TCF7: variants seen among roughly 807,000 people sequenced by gnomAD.
The protein encoded by TCF7 is T-cell-factor-7.
Under a neutral mutation model 46.8 loss-of-function variants are expected in TCF7, and 19 were observed. The ratio of observed to expected loss-of-function variants is 0.41; its 90% confidence interval spans 0.28 to 0.60. The LOEUF (loss-of-function observed/expected upper bound fraction) is 0.60. Among genes scored for constraint, TCF7 ranks in the 20% least tolerant of loss-of-function variants. The probability of loss-of-function intolerance (pLI) is 0.35; values close to 1 mark genes in which losing one functional copy is unlikely to be tolerated. For missense variants in TCF7, 547 were observed against 504.6 expected, an observed-to-expected ratio of 1.08 and a Z score of -0.81; for synonymous variants, 245 against 213.4, an observed-to-expected ratio of 1.15 and a Z score of -1.29.
At chr5:134,131,185 G>C (rs1293939874) in intron 3 of TCF7, among the ~76,000 whole-genome samples, 1 of 152,180 alleles carries the variant, frequency 6.6e-6, no homozygotes, top group African/African-American at 2.4e-5. Context: ...GATGAGGCTG[G>C]CACCACTGAA....
rs1481833440 is a variant in TCF7, at chr5:134,142,266, C to G, written c.717C>G (p.Pro239=). 6.2e-7 allele frequency: 1 copy of G among 1,603,050 alleles called. No homozygotes were observed. The highest frequency in any genetic ancestry group is 1.1e-5 in the South Asian group (1 of 90,400). The change falls in exon 6 of 10, where the codon CCC becomes CCG. Residue 239 remains proline (P), a synonymous_variant. Transcript: ENST00000342854. ...AAIPHPAIVP[P]SGKQELQPFD... ...TCCCCCACCCGGCCATTGTGCCCCC[C>G]TCAGGGAAGCAGGAGCTGCAGCCCT...
intron 5 of TCF7, chr5:134,140,807 C>T (rs1232463086): frequency 2.2e-6 from 1 of 455,750 alleles, no homozygotes; most frequent in Admixed American, 2.4e-5. Context: ...CCCAGCCCTC[C>T]TCTCTACCCC....
At chr5:134,142,688 G>A (rs769958832) in intron 6 of TCF7, 33 bp from the exon 7 acceptor site, 1 of 1,609,992 alleles carries the variant, frequency 6.2e-7, no homozygotes. Flanking sequence ...GCACTCGGGG[G>A]GCTCCTGAAC....
At position 134,142,824 on chromosome 5, in the gene TCF7, G is replaced by C. The variant is rs1241322161; in HGVS notation, c.859G>C (p.Val287Leu). The change falls in exon 7 of 10, where the codon GTC (valine) becomes CTC (leucine). Residue 287 changes from valine (V) to leucine (L), a missense_variant. Val to Leu is a conservative substitution (Grantham distance 32). Transcript: ENST00000342854. ...GTACATGAAGGAGATGAGAGCCAAG[G>C]TCATTGCAGAGTGCACACTTAAGGA... ...MLYMKEMRAK[V>L]IAECTLKESA... is the part of the protein sequence containing the mutation. 29 of 1,614,056 alleles carry C rather than the reference G, an allele frequency of 1.8e-5. No individual in the cohort carries two copies. Among genetic ancestry groups the C allele is most frequent in the Non-Finnish European group, 2.2e-5 (26 of 1,180,020 alleles).
chr5:134,115,494 C>A, intron 2 of TCF7, 107 bp downstream of exon 2: 2 of 1,493,886 alleles, frequency 1.3e-6, no homozygotes, highest in Non-Finnish European at 1.8e-6. Flanking sequence ...CCCACCGCAG[C>A]TCAGGAGGCG....
At chr5:134,111,403 A>C (rs1755327431), upstream of TCF7, among the ~76,000 whole-genome samples, 1 of 152,136 alleles carries the variant, frequency 6.6e-6, no homozygotes, top group African/African-American at 2.4e-5. Context: ...CTGGTCCTGA[A>C]ACTCCCCGGT....
At chr5:134,114,196 G>A (rs2149259013), upstream of TCF7, among the ~76,000 whole-genome samples, 1 of 152,302 alleles carries the variant, frequency 6.6e-6, no homozygotes, top group South Asian at 2.1e-4. Context: ...ATGGAGGATG[G>A]GGCAAGAGCC....
chr5:134,115,558 G>A (rs1755687635), intron 2 of TCF7, 171 bp downstream of exon 2: 2 of 1,440,158 alleles, frequency 1.4e-6, no homozygotes, highest in African/African-American at 2.9e-5. Context: ...CCGCCGGGTC[G>A]AGTCACTTCC....
chr5:134,129,899 A>G (rs956832232), intron 3 of TCF7, among the ~76,000 whole-genome samples: 3 of 152,270 alleles, frequency 2.0e-5, no homozygotes, highest in African/African-American at 7.2e-5. Context: ...TTGTGCCAGC[A>G]GGTGAGACTG....
At chr5:134,114,678 G>A (rs1247266196), upstream of TCF7, 1 of 62,854 alleles carries the variant, frequency 1.6e-5, no homozygotes, top group African/African-American at 6.8e-5. Flanking sequence ...CCCCGCCCCC[G>A]GCACTCGGCC....
intron 3 of TCF7, among the ~76,000 whole-genome samples, chr5:134,126,368 G>A (rs927320671): frequency 1.3e-5 from 2 of 152,234 alleles, no homozygotes; most frequent in African/African-American, 4.8e-5. Context: ...CGATGGCCAT[G>A]TTGCAGGGGG....
At chr5:134,119,786 C>A (rs1293170276) in intron 3 of TCF7, among the ~76,000 whole-genome samples, 2 of 152,244 alleles carry the variant, frequency 1.3e-5, no homozygotes, top group Non-Finnish European at 2.9e-5. Context: ...GTCCGAGGAG[C>A]TTTGCAGAGA....
intron 5 of TCF7, chr5:134,140,881 T>C (rs1215162577): frequency 2.3e-6 from 1 of 434,864 alleles, no homozygotes; most frequent in Admixed American, 2.5e-5. Flanking sequence ...TGGCGCCCCC[T>C]ACCCCAGGTG....
intron 3 of TCF7, 70 bp downstream of exon 3, chr5:134,116,103 C>T (rs774544861): frequency 2.0e-6 from 3 of 1,526,338 alleles, no homozygotes; most frequent in Non-Finnish European, 2.6e-6. Context: ...GAGGCACCGG[C>T]AAGAGACTTC....
At position 134,116,012 on chromosome 5, in the gene TCF7, C is replaced by T; in HGVS notation, c.420C>T (p.His140=). ...CACCCCCCTCGGGAGCAGGGCAGCA[C>T]CCCCAGCCGCAGCCCCCGCTGGTAA... ...HYPPPSGAGQ[H]PQPQPPLHKA... Residue 140 remains histidine, a synonymous_variant, in exon 3 of 10, where the codon CAC becomes CAT. Transcript: ENST00000342854. 1 of 1,612,732 alleles carries T rather than the reference C, an allele frequency of 6.2e-7. No individual in the cohort carries two copies. Among genetic ancestry groups the T allele is most frequent in the Non-Finnish European group, 8.5e-7 (1 of 1,179,476 alleles).
rs905561412 is a variant in TCF7, at chr5:134,147,545, G to A, written c.*1242G>A. The A allele has an allele frequency of 6.6e-6, 1 of 152,610 alleles. No individual in the cohort carries two copies. The highest frequency in any genetic ancestry group is 1.5e-5 in the Non-Finnish European group (1 of 68,048). 9.5% of individuals were successfully genotyped at this position (152,610 alleles called of 1,614,324 possible). A position where few individuals can be genotyped will look rare whatever the true frequency, so the allele number is the denominator to read the frequency against. ...AGGACCATTACAACTAGATCAAGGAGCCCAGAAAACCTCCAGTAGTGGACA... is the reference window on the plus strand; with the variant it reads ...AGGACCATTACAACTAGATCAAGGAACCCAGAAAACCTCCAGTAGTGGACA... On this transcript the variant is annotated 3_prime_UTR_variant, in exon 10 of 10. Transcript: ENST00000342854.
chr5:134,142,354 T>A (rs569482937), intron 6 of TCF7, 50 bp downstream of exon 6: 1 of 1,473,544 alleles, frequency 6.8e-7, no homozygotes, highest in South Asian at 1.3e-5. Flanking sequence ...AGGATACACA[T>A]GCCTCCCCAC....
intron 3 of TCF7, among the ~76,000 whole-genome samples, chr5:134,122,441 A>C (rs1756731542): frequency 6.6e-6 from 1 of 152,110 alleles, no homozygotes; most frequent in Admixed American, 6.5e-5. Context: ...TCATACCAGC[A>C]CTGCCACCTC....
At chr5:134,127,477 T>C (rs552873041) in intron 3 of TCF7, among the ~76,000 whole-genome samples, 79 of 152,370 alleles carry the variant, frequency 5.2e-4, no homozygotes, top group African/African-American at 1.8e-3. Context: ...TTGGTCCTGA[T>C]GCAGCTCAGT....
Sources: allele counts gnomAD v4.1 joint callset (sites outside exome capture counted in the v4.1 genomes callset), GRCh38; gene constraint gnomAD v4.1.1; transcripts MANE v1.5; gene names NCBI Gene and HGNC (gene_info 2026-07-23, HGNC 2026-07-21).